MNS1: variants seen among roughly 807,000 people sequenced by gnomAD.
The protein encoded by MNS1 is meiosis specific nuclear structural 1.
A neutral mutation model predicts 72.0 loss-of-function variants in MNS1; 63 were observed. The observed-to-expected ratio is 0.87, with a 90% CI of 0.71 to 1.08. The LOEUF (loss-of-function observed/expected upper bound fraction) is 1.08. Ranked by LOEUF, MNS1 falls within the 50% of genes least tolerant of loss-of-function variation. The probability of loss-of-function intolerance (pLI) is 0.00; values close to 1 mark genes in which losing one functional copy is unlikely to be tolerated. For synonymous variants in MNS1, 188 were observed against 172.1 expected (o/e 1.09, Z -0.72); for missense variants, 604 against 562.4 (o/e 1.07, Z -0.75).
At chr15:56,461,975 G>GTTGTTTTTTT (rs1555449789) in intron 2 of MNS1, among the ~76,000 whole-genome samples, 2 of 97,912 alleles carry the variant, frequency 2.0e-5, no homozygotes, top group African/African-American at 7.7e-5. Context: ...TTTTGTTGTT[G>GTTGTTTTTTT]TTTTTTTTTT....
chr15:56,463,576 G>C (rs752330941), intron 2 of MNS1, among the ~76,000 whole-genome samples: 3 of 152,100 alleles, frequency 2.0e-5, no homozygotes, highest in African/African-American at 4.8e-5. Context: ...GAGGTTAGGA[G>C]TTCGAGATCA....
At chr15:56,454,849 A>T (rs2140374489) in intron 3 of MNS1, among the ~76,000 whole-genome samples, 1 of 152,226 alleles carries the variant, frequency 6.6e-6, no homozygotes, top group Non-Finnish European at 1.5e-5. Flanking sequence ...ATTTTCCAGA[A>T]CCTTTTCACA....
chr15:56,454,107 G>C (rs1421858188), intron 3 of MNS1, among the ~76,000 whole-genome samples: 3 of 151,818 alleles, frequency 2.0e-5, no homozygotes, highest in Non-Finnish European at 4.4e-5. Context: ...CTCTGTGAAA[G>C]AGTACTCAAC....
chr15:56,447,053 G>T (rs1031105767), intron 3 of MNS1, 110 bp from the exon 4 acceptor site: 2 of 712,324 alleles, frequency 2.8e-6, no homozygotes. Context: ...GGAATACAGC[G>T]GGTATTATTT....
chr15:56,464,891 T>G lies in MNS1; in HGVS notation c.3+79A>C, dbSNP rs1281869661. The G allele has an allele frequency of 6.9e-6, 11 of 1,594,026 alleles. No homozygotes were observed. The South Asian group carries it at 7.8e-5, about 11-fold the overall frequency. ...TGACCAGATTAAGCACTTAAAATCC[T>G]TTTTTAGAAGCAGATGAGCGCCAAA... is the stretch of plus-strand genomic sequence containing the variant. On this transcript the variant is annotated intron_variant, in intron 1 of 9. Transcript: ENST00000260453.
intron 2 of MNS1, among the ~76,000 whole-genome samples, chr15:56,459,448 G>A (rs1433184680): frequency 5.9e-5 from 9 of 152,122 alleles, no homozygotes; most frequent in Non-Finnish European, 1.0e-4. Flanking sequence ...GTAGATATAT[G>A]CCTTCAATTA....
intron 4 of MNS1, chr15:56,445,563 T>G (rs1488762896): frequency 6.6e-6 from 1 of 152,046 alleles, no homozygotes; most frequent in Non-Finnish European, 1.5e-5. Flanking sequence ...TTTCTGATTA[T>G]CTTCTTTGTA....
At chr15:56,452,140 G>C (rs547837182) in intron 3 of MNS1, among the ~76,000 whole-genome samples, 13 of 152,198 alleles carry the variant, frequency 8.5e-5, no homozygotes, top group African/African-American at 3.1e-4. Context: ...GGGTTCCCAA[G>C]ACCACCATCA....
chr15:56,434,216 T>C lies in MNS1; in HGVS notation c.1191A>G (p.Gln397=). 1.2e-6 allele frequency: 2 copies of C among 1,614,006 alleles called. No homozygotes were observed. The highest frequency in any genetic ancestry group is 1.7e-6 in the Non-Finnish European group (2 of 1,179,928). The change falls in exon 8 of 10, where the codon CAA becomes CAG. Residue 397 remains glutamine, a synonymous_variant. Transcript: ENST00000260453. ...TCCTGTGTTCCAGCTGCTTCATTCT[T>C]TGTTTCTGAGCATTCATTAATTCTA... is the stretch of plus-strand genomic sequence containing the variant. ...DRIELMNAQK[Q]RMKQLEHRRA... is the part of the protein sequence containing the mutation.
At chr15:56,445,084 C>G (rs1272208235) in intron 4 of MNS1, among the ~76,000 whole-genome samples, 1 of 151,982 alleles carries the variant, frequency 6.6e-6, no homozygotes, top group Non-Finnish European at 1.5e-5. Context: ...AAAGATGGTA[C>G]TGCCTCTTTC....
At chr15:56,434,607 A>G (rs2050687665) in intron 7 of MNS1, among the ~76,000 whole-genome samples, 1 of 152,138 alleles carries the variant, frequency 6.6e-6, no homozygotes, top group Non-Finnish European at 1.5e-5. Flanking sequence ...TTACTCATGA[A>G]CAAATTTTAA....
intron 8 of MNS1, among the ~76,000 whole-genome samples, chr15:56,432,265 T>A (rs536256430): frequency 1.3e-5 from 2 of 152,088 alleles, no homozygotes; most frequent in Admixed American, 6.6e-5. Context: ...AAAAGAAAAA[T>A]TTATAGTAAA....
At chr15:56,438,883 A>G (rs1205600800) in intron 7 of MNS1, among the ~76,000 whole-genome samples, 1 of 151,972 alleles carries the variant, frequency 6.6e-6, no homozygotes, top group Non-Finnish European at 1.5e-5. Flanking sequence ...AACAGACAAG[A>G]ACAGGAAAGG....
intron 2 of MNS1, 106 bp from the exon 3 acceptor site, chr15:56,456,627 TTGA>T: frequency 9.5e-7 from 1 of 1,053,556 alleles, no homozygotes; most frequent in Non-Finnish European, 1.4e-6. Flanking sequence ...AGGCCAACAA[TTGA>T]TGATGTTTTA....
rs1421328772 is a variant in MNS1 at position 56,431,444 on chromosome 15, C to G, written c.1324G>C (p.Ala442Pro). 1.2e-6 allele frequency: 2 copies of G among 1,613,518 alleles called. No individual in the cohort carries two copies. Among genetic ancestry groups the G allele is most frequent in the Non-Finnish European group, 1.7e-6 (2 of 1,179,880 alleles). Residue 442 changes from alanine to proline, a missense_variant, in exon 9 of 10, where the codon GCA (alanine) becomes CCA (proline). Coordinates refer to ENST00000260453, the MANE Select transcript of MNS1 (RefSeq NM_018365.4). ...LQQRRQGFIN[A>P]IIEEERLKLL... ...TTTAGCCTTTCTTCTTCAATAATTG[C>G]ATTAATAAATCCTTGCCGCCTTTGC...
At chr15:56,452,579 C>G (rs950743457) in intron 3 of MNS1, among the ~76,000 whole-genome samples, 1 of 149,824 alleles carries the variant, frequency 6.7e-6, no homozygotes, top group East Asian at 2.0e-4. Flanking sequence ...AGTGCAGTGG[C>G]GCGATCTTGG....
chr15:56,464,274 A>G, intron 1 of MNS1, 27 bp from the exon 2 acceptor site: 1 of 1,459,848 alleles, frequency 6.9e-7, no homozygotes, highest in Non-Finnish European at 9.4e-7. Context: ...AAAAAGATGC[A>G]TATTTTGATA....
intron 3 of MNS1, among the ~76,000 whole-genome samples, chr15:56,455,076 C>T (rs1224188680): frequency 6.6e-6 from 1 of 152,054 alleles, no homozygotes; most frequent in Non-Finnish European, 1.5e-5. Flanking sequence ...GCCAAGCTTG[C>T]ATTCTGGTTT....
intron 4 of MNS1, among the ~76,000 whole-genome samples, chr15:56,446,452 G>T (rs1056721172): frequency 8.6e-5 from 13 of 151,962 alleles, no homozygotes; most frequent in Middle Eastern, 3.4e-3. Flanking sequence ...TATAAAACTG[G>T]AAAGTTTCCT....
Sources: allele counts gnomAD v4.1 joint callset (sites outside exome capture counted in the v4.1 genomes callset), GRCh38; gene constraint gnomAD v4.1.1; transcripts MANE v1.5; gene names NCBI Gene and HGNC (gene_info 2026-07-23, HGNC 2026-07-21).